ITPR2: variants seen among roughly 807,000 people sequenced by gnomAD.
ITPR2 encodes inositol 1,4,5-trisphosphate receptor type 2, also known as inositol 1,4,5-trisphosphate-gated calcium channel ITPR2.
Under a neutral mutation model 317.1 loss-of-function variants are expected in ITPR2, and 207 were observed. That is an observed-to-expected ratio of 0.65 (90% CI 0.58 to 0.73). The LOEUF (loss-of-function observed/expected upper bound fraction) is 0.73, where lower values mean the gene tolerates loss of function less well. Ranked by LOEUF, ITPR2 falls within the 30% of genes least tolerant of loss-of-function variation. ITPR2 has a pLI of 0.00. For missense variants in ITPR2, 2,613 were observed against 3,284.0 expected (o/e 0.80, Z 4.99); for synonymous variants, 1,156 against 1,149.1 (o/e 1.01, Z -0.12).
chr12:26,432,596 G>A (rs569606339), intron 48 of ITPR2, among the ~76,000 whole-genome samples: 3 of 152,150 alleles, frequency 2.0e-5, no homozygotes, highest in East Asian at 1.9e-4. Flanking sequence ...TAGCAGCCAT[G>A]GATAATTTTT....
chr12:26,673,660 C>T (rs957818925), intron 13 of ITPR2, among the ~76,000 whole-genome samples: 1 of 151,284 alleles, frequency 6.6e-6, no homozygotes, highest in Non-Finnish European at 1.5e-5. Context: ...TCTCTCACCA[C>T]TCCTATTCAA....
intron 1 of ITPR2, among the ~76,000 whole-genome samples, chr12:26,829,893 C>A (rs79311647): frequency 0.16 from 24,407 of 152,054 alleles, 2,320 homozygotes; most frequent in East Asian, 0.22. Flanking sequence ...AGCAGCATTT[C>A]TTTTTGTTTT....
chr12:26,643,752 TG>T (rs1274070051), intron 21 of ITPR2, among the ~76,000 whole-genome samples: 1 of 152,226 alleles, frequency 6.6e-6, no homozygotes, highest in Non-Finnish European at 1.5e-5. Flanking sequence ...ATTGAATATT[TG>T]GGTGAAAAAT....
At chr12:26,401,670 T>A (rs1028177839) in intron 52 of ITPR2, among the ~76,000 whole-genome samples, 1 of 152,198 alleles carries the variant, frequency 6.6e-6, no homozygotes, top group Admixed American at 6.5e-5. Flanking sequence ...AGCCACAATA[T>A]GCCCGTCAAG....
chr12:26,675,241 T>G (rs1464159903), intron 13 of ITPR2, among the ~76,000 whole-genome samples: 1 of 152,192 alleles, frequency 6.6e-6, no homozygotes, highest in Admixed American at 6.5e-5. Context: ...TAAAGACACA[T>G]GCACATGCAT....
At chr12:26,755,917 C>A (rs1195728688) in intron 2 of ITPR2, among the ~76,000 whole-genome samples, 1 of 151,902 alleles carries the variant, frequency 6.6e-6, no homozygotes, top group African/African-American at 2.4e-5. Flanking sequence ...TATCTTGGGA[C>A]CTCAAAAGGA....
chr12:26,397,764 A>C (rs1348398224), intron 54 of ITPR2, among the ~76,000 whole-genome samples: 8 of 152,196 alleles, frequency 5.3e-5, no homozygotes. Context: ...AATTTGTTAC[A>C]TACAGTAACG....
chr12:26,679,341 G>C (rs1338932624), intron 13 of ITPR2, among the ~76,000 whole-genome samples: 2 of 152,284 alleles, frequency 1.3e-5, no homozygotes, highest in Admixed American at 6.5e-5. Context: ...ATGGAGGGAA[G>C]CAAACTTGGA....
intron 2 of ITPR2, among the ~76,000 whole-genome samples, chr12:26,786,900 T>A (rs939003663): frequency 6.6e-6 from 1 of 152,236 alleles, no homozygotes; most frequent in African/African-American, 2.4e-5. Context: ...TTTCTTCACC[T>A]TATCTAAAAA....
At chr12:26,339,906 G>A (rs1339827461) in intron 56 of ITPR2, among the ~76,000 whole-genome samples, 1 of 152,004 alleles carries the variant, frequency 6.6e-6, no homozygotes, top group Non-Finnish European at 1.5e-5. Flanking sequence ...TTTTTTAAAT[G>A]CAAAGAGGTG....
intron 53 of ITPR2, 75 bp from the exon 54 acceptor site, chr12:26,399,116 C>G: frequency 9.4e-7 from 1 of 1,061,660 alleles, no homozygotes. Context: ...AGAGTATATT[C>G]AATAAATGTT....
At chr12:26,586,029 C>T (rs756039359) in intron 32 of ITPR2, among the ~76,000 whole-genome samples, 21 of 152,098 alleles carry the variant, frequency 1.4e-4, no homozygotes, top group South Asian at 4.1e-4. Context: ...TGGTTTTTCC[C>T]ATTTTCTTAT....
intron 2 of ITPR2, among the ~76,000 whole-genome samples, chr12:26,749,219 C>T (rs1046435392): frequency 2.6e-5 from 4 of 152,146 alleles, no homozygotes; most frequent in Non-Finnish European, 4.4e-5. Context: ...TTAGGACTGA[C>T]TTTTAAATGT....
chr12:26,677,116 A>T (rs1466279533), intron 13 of ITPR2, among the ~76,000 whole-genome samples: 1 of 152,232 alleles, frequency 6.6e-6, no homozygotes, highest in Non-Finnish European at 1.5e-5. Context: ...TGAAAATATG[A>T]CCTAAAGCTT....
Position 26,790,185 on chromosome 12 carries a change from G to A in ITPR2, c.135C>T (p.Asp45=), listed in dbSNP as rs1418631524. Residue 45 remains aspartate (D), a synonymous_variant, in exon 2 of 57, where the codon GAC becomes GAT. Coordinates refer to ENST00000381340, the MANE Select transcript of ITPR2 (RefSeq NM_002223.4). Reference sequence around the variant, plus strand: ...TGAACTTCTTGGGAGGGTTGGCAAGGTCCCCGGCCTCTGGGTGCACCACAC... The same window carrying A: ...TGAACTTCTTGGGAGGGTTGGCAAGATCCCCGGCCTCTGGGTGCACCACAC... ...DRCVVHPEAG[D]LANPPKKFRD... 1 of 1,613,566 alleles carries A rather than the reference G, an allele frequency of 6.2e-7. No homozygotes were observed. Among genetic ancestry groups the A allele is most frequent in the Non-Finnish European group, 8.5e-7 (1 of 1,179,686 alleles).
chr12:26,822,492 T>A (rs1350120961), intron 1 of ITPR2, among the ~76,000 whole-genome samples: 1 of 150,760 alleles, frequency 6.6e-6, no homozygotes, highest in Non-Finnish European at 1.5e-5. Flanking sequence ...TAGTTCTTAA[T>A]AGTTCATTAA....
At chr12:26,516,780 C>A (rs1943532826) in intron 37 of ITPR2, among the ~76,000 whole-genome samples, 2 of 151,522 alleles carry the variant, frequency 1.3e-5, no homozygotes, top group Non-Finnish European at 2.9e-5. Context: ...GGAAGGGACA[C>A]AAATAAGCTC....
At chr12:26,698,074 A>T (rs1948383758) in intron 9 of ITPR2, among the ~76,000 whole-genome samples, 1 of 152,202 alleles carries the variant, frequency 6.6e-6, no homozygotes, top group Non-Finnish European at 1.5e-5. Context: ...CCAACTAATG[A>T]GGGACCAGAG....
intron 3 of ITPR2, 87 bp downstream of exon 3, chr12:26,725,563 A>C: frequency 1.2e-6 from 1 of 858,108 alleles, no homozygotes; most frequent in Non-Finnish European, 1.9e-6. Context: ...TTTGGGTGAA[A>C]GGACAAAGCT....
Sources: gnomAD v4.1 joint callset for allele counts (sites outside exome capture counted in the v4.1 genomes callset) on GRCh38, gnomAD v4.1.1 for gene constraint, MANE v1.5 for transcripts, NCBI Gene and HGNC (gene_info 2026-07-23, HGNC 2026-07-21) for gene names.